The following RBPMS variants were observed in gnomAD, a reference collection of about 807,000 sequenced individuals.
The protein encoded by RBPMS is RNA binding protein, mRNA processing factor.
Under a neutral mutation model 26.8 loss-of-function variants are expected in RBPMS, and 7 were observed. The observed-to-expected ratio is 0.26, with a 90% confidence interval of 0.15 to 0.49. The LOEUF is 0.49. Among genes scored for constraint, RBPMS ranks in the 20% least tolerant of loss-of-function variants. The probability of loss-of-function intolerance (pLI) is 0.98; values close to 1 mark genes in which losing one functional copy is unlikely to be tolerated. For synonymous variants in RBPMS, 96 were observed against 93.3 expected (o/e 1.03, Z -0.17); for missense variants, 186 against 250.0 (o/e 0.74, Z 1.73).
intron 4 of RBPMS, among the ~76,000 whole-genome samples, chr8:30,495,141 G>C (rs1819792810): frequency 6.6e-6 from 1 of 152,128 alleles, no homozygotes; most frequent in South Asian, 2.1e-4. Context: ...AGTTACACAG[G>C]CTTGAAATCA....
intron 1 of RBPMS, chr8:30,446,837 GT>G (rs1813872673): frequency 1.1e-5 from 1 of 88,942 alleles, no homozygotes; most frequent in Non-Finnish European, 2.1e-5. Context: ...GTGTGTGTGT[GT>G]GTGTGCGCGC....
At chr8:30,447,983 C>A (rs1233023482) in intron 1 of RBPMS, among the ~76,000 whole-genome samples, 1 of 152,290 alleles carries the variant, frequency 6.6e-6, no homozygotes, top group East Asian at 1.9e-4. Context: ...AGTCCTCTTA[C>A]CTCAGCAATC....
chr8:30,541,667 GT>G (rs1196625569), intron 5 of RBPMS, among the ~76,000 whole-genome samples: 1 of 152,124 alleles, frequency 6.6e-6, no homozygotes, highest in African/African-American at 2.4e-5. Context: ...ATTCATCCCA[GT>G]GGGCCTTGGG....
chr8:30,534,529 T>G (rs1824601348), intron 5 of RBPMS, among the ~76,000 whole-genome samples: 1 of 152,174 alleles, frequency 6.6e-6, no homozygotes, highest in Non-Finnish European at 1.5e-5. Flanking sequence ...CTAGCCAGCA[T>G]AGATGGGGAA....
chr8:30,556,251 C>T (rs913146506), intron 6 of RBPMS: 2 of 985,434 alleles, frequency 2.0e-6, no homozygotes, highest in South Asian at 4.7e-5. Context: ...CTCAGCTGAG[C>T]ACAGCCTCCC....
At chr8:30,511,921 G>A (rs10503868) in intron 5 of RBPMS, among the ~76,000 whole-genome samples, 31,453 of 152,044 alleles carry the variant, frequency 0.21, 3,553 homozygotes, top group Middle Eastern at 0.33. Context: ...CCACCAGATC[G>A]TTTATATTTA....
At chr8:30,549,617 C>G (rs1322803805) in intron 6 of RBPMS, 1 of 1,556,034 alleles carries the variant, frequency 6.4e-7, no homozygotes. Flanking sequence ...TGGCTTAGCT[C>G]TCACAGGAGG....
Position 30,384,563 on chromosome 8 carries a change from T to C in RBPMS, c.-530T>C. The C allele has an allele frequency of 6.5e-6, 1 of 153,990 alleles. No individual in the cohort carries two copies. The highest frequency in any genetic ancestry group is 1.4e-5 in the Non-Finnish European group (1 of 69,538). The allele number at this position is 153,990 out of a possible 1,614,324, so 9.5% of individuals were successfully genotyped here. On this transcript the variant is annotated 5_prime_UTR_variant, in exon 1 of 9. Transcript: ENST00000397323. The surrounding 1 kb of genome is among the most constrained non-coding windows in gnomAD (Gnocchi z 5.6). Reference sequence around the variant, plus strand: ...CCCAGAGCCTGCCTGGAGCGCGTACTCAGCGGCTCTCGGGTCCCAGCGTCC... The same window carrying C: ...CCCAGAGCCTGCCTGGAGCGCGTACCCAGCGGCTCTCGGGTCCCAGCGTCC...
intron 8 of RBPMS, among the ~76,000 whole-genome samples, chr8:30,569,368 AAGTGGCCTGGTC>A (rs1828112114): frequency 6.6e-6 from 1 of 152,214 alleles, no homozygotes; most frequent in African/African-American, 2.4e-5. Context: ...GTCAAAGCTA[AAGTGGCCTGGTC>A]AGTGAGAACC....
At chr8:30,521,725 A>G (rs1266631713) in intron 5 of RBPMS, among the ~76,000 whole-genome samples, 2 of 152,098 alleles carry the variant, frequency 1.3e-5, no homozygotes, top group African/African-American at 2.4e-5. Context: ...AGGCTGGGTA[A>G]TATTCCAATT....
intron 1 of RBPMS, among the ~76,000 whole-genome samples, chr8:30,469,936 T>C (rs1816901376): frequency 6.6e-6 from 1 of 152,198 alleles, no homozygotes; most frequent in African/African-American, 2.4e-5. Context: ...ATTCAGTTTA[T>C]TTCACTGACA....
chr8:30,519,141 C>G (rs1051886772), intron 5 of RBPMS, among the ~76,000 whole-genome samples: 3 of 152,138 alleles, frequency 2.0e-5, no homozygotes, highest in African/African-American at 7.2e-5. Flanking sequence ...TTTAAAGCCA[C>G]AATACAGAAG....
At chr8:30,567,109 G>A (rs1827945117) in intron 8 of RBPMS, among the ~76,000 whole-genome samples, 2 of 152,208 alleles carry the variant, frequency 1.3e-5, no homozygotes, top group South Asian at 4.1e-4. Context: ...AGTCTATGGT[G>A]GTTTATGTCT....
At position 30,461,588 on chromosome 8, in the gene RBPMS, G is replaced by T. The variant is rs182231896; in HGVS notation, c.67-13191G>T. Among the ~76,000 whole-genome samples the T allele has an allele frequency of 3.0e-3, 463 of 152,172 alleles. 1 individual carries two copies. The highest frequency in any genetic ancestry group is 0.01 in the African/African-American group (416 of 41,530). On this transcript the variant is annotated intron_variant, in intron 1 of 8. Coordinates refer to ENST00000397323, the MANE Select transcript of RBPMS (RefSeq NM_001008710.3). ...TTTTTGTATTTTTTAGTAGAGACAG[G>T]GTTTCACCATGTTAGCCAGGATAGT...
At chr8:30,413,614 A>G (rs1019099632) in intron 1 of RBPMS, among the ~76,000 whole-genome samples, 2 of 151,758 alleles carry the variant, frequency 1.3e-5, no homozygotes, top group South Asian at 2.1e-4. Context: ...ATGTTAGAAC[A>G]TTATTTCTTT....
chr8:30,461,236 A>G (rs1352982281), intron 1 of RBPMS, among the ~76,000 whole-genome samples: 1 of 152,222 alleles, frequency 6.6e-6, no homozygotes, highest in Admixed American at 6.5e-5. Context: ...GAAGTGATTT[A>G]TATAATCTAA....
chr8:30,472,006 T>C (rs1389799899), intron 1 of RBPMS, among the ~76,000 whole-genome samples: 1 of 152,142 alleles, frequency 6.6e-6, no homozygotes, highest in Non-Finnish European at 1.5e-5. Flanking sequence ...AAGGAATTGA[T>C]GGGCATTAAA....
chr8:30,386,119 A>G (rs1158564822), intron 1 of RBPMS, among the ~76,000 whole-genome samples: 1 of 150,268 alleles, frequency 6.7e-6, no homozygotes, highest in Non-Finnish European at 1.5e-5. Context: ...GTGTAGATGC[A>G]GGAAAGTGCA....
At chr8:30,493,263 G>T (rs1045996853) in intron 4 of RBPMS, among the ~76,000 whole-genome samples, 4 of 152,168 alleles carry the variant, frequency 2.6e-5, no homozygotes, top group African/African-American at 4.8e-5. Context: ...CTATTGCCTA[G>T]GATCTGCTTC....
Sources: allele counts gnomAD v4.1 joint callset (sites outside exome capture counted in the v4.1 genomes callset), GRCh38; gene constraint gnomAD v4.1.1; non-coding constraint Gnocchi (gnomAD v3.1); transcripts MANE v1.5; gene names NCBI Gene and HGNC (gene_info 2026-07-23, HGNC 2026-07-21).